SPPL3: variants seen among roughly 807,000 people sequenced by gnomAD.
The protein encoded by SPPL3 is signal peptide peptidase like 3.
In SPPL3, 5 loss-of-function variants were observed where a neutral mutation model predicts 42.4. The ratio of observed to expected loss-of-function variants is 0.12; its 90% confidence interval spans 0.06 to 0.25. The LOEUF is 0.25. Ranked by LOEUF, SPPL3 falls within the 10% of genes least tolerant of loss-of-function variation. SPPL3 has a pLI of 1.00. For missense variants in SPPL3, 235 were observed against 489.0 expected (o/e 0.48, Z 4.90); for synonymous variants, 195 against 181.8 (o/e 1.07, Z -0.58).
At chr12:120,780,206 T>A (rs983353965) in intron 6 of SPPL3, among the ~76,000 whole-genome samples, 1 of 148,578 alleles carries the variant, frequency 6.7e-6, no homozygotes, top group Admixed American at 6.7e-5. Context: ...TGGGAGCCAA[T>A]GCACTGGCCC....
intron 10 of SPPL3, 119 bp downstream of exon 10, chr12:120,766,144 T>G: frequency 1.5e-6 from 1 of 664,276 alleles, no homozygotes; most frequent in Non-Finnish European, 2.4e-6. Flanking sequence ...ACACACACAG[T>G]CGAGATCACA....
chr12:120,881,969 T>C (rs1873299738), intron 1 of SPPL3, among the ~76,000 whole-genome samples: 1 of 152,072 alleles, frequency 6.6e-6, no homozygotes, highest in Non-Finnish European at 1.5e-5. Flanking sequence ...AACTTATCTA[T>C]GGTTTCACCT....
At chr12:120,773,593 G>A (rs868384796) in intron 6 of SPPL3, among the ~76,000 whole-genome samples, 2 of 152,096 alleles carry the variant, frequency 1.3e-5, no homozygotes, top group Admixed American at 6.5e-5. Context: ...AAGTTTATTC[G>A]CCTCTGTGAC....
At chr12:120,834,306 T>G (rs1284309444) in intron 1 of SPPL3, among the ~76,000 whole-genome samples, 3 of 152,176 alleles carry the variant, frequency 2.0e-5, no homozygotes, top group African/African-American at 7.2e-5. Context: ...ACTATGCCCC[T>G]GGTTAACAAA....
intron 1 of SPPL3, among the ~76,000 whole-genome samples, chr12:120,889,615 A>G (rs1487212921): frequency 6.6e-6 from 1 of 152,226 alleles, no homozygotes; most frequent in Non-Finnish European, 1.5e-5. Context: ...CAACTTACAG[A>G]TCGGAAGAAG....
At chr12:120,900,460 C>T (rs1873939411) in intron 1 of SPPL3, among the ~76,000 whole-genome samples, 1 of 151,428 alleles carries the variant, frequency 6.6e-6, no homozygotes, top group Non-Finnish European at 1.5e-5. Flanking sequence ...CAATAATCAG[C>T]CGGGCGTGGT....
chr12:120,806,853 AAAAGAAAG>A (rs3050396), intron 2 of SPPL3, among the ~76,000 whole-genome samples: 2 of 146,132 alleles, frequency 1.4e-5, no homozygotes, highest in African/African-American at 2.5e-5. Flanking sequence ...TTAAAAAAAA[AAAAGAAAG>A]AAAGAAAGAA....
Position 120,903,875 on chromosome 12 carries a change from C to G in SPPL3, c.-8G>C. The G allele has an allele frequency of 6.9e-7, 1 of 1,444,240 alleles. No homozygotes were observed. Among genetic ancestry groups the G allele is most frequent in the Non-Finnish European group, 9.1e-7 (1 of 1,100,900 alleles). The allele number at this position is 1,444,240 out of a possible 1,614,324, so 89.5% of individuals were successfully genotyped here. On this transcript the variant is annotated 5_prime_UTR_variant, in exon 1 of 11. Transcript: ENST00000353487. ...GTAGGTCTGCTCCGCCATGGCGCTG[C>G]CTCTCGTGGGCTCCGCTGCAGGCTG...
intron 1 of SPPL3, chr12:120,811,110 G>A (rs988928657): frequency 4.1e-5 from 15 of 368,046 alleles, no homozygotes; most frequent in Admixed American, 9.2e-5. Context: ...AAATATTTAC[G>A]GCATGTAAAA....
In SPPL3 at chr12:120,782,780, C is replaced by T; in HGVS notation, c.390-13G>A. 6.3e-7 allele frequency: 1 copy of T among 1,580,574 alleles called. No individual in the cohort carries two copies. The highest frequency in any genetic ancestry group is 8.6e-7 in the Non-Finnish European group (1 of 1,157,552). ...ACCAAAGGAAATCCTGGAAAACACA[C>T]AACACTTATTGGACAGTGGGCACAC... On this transcript the variant is annotated splice_polypyrimidine_tract_variant and intron_variant, in intron 5 of 10. Coordinates refer to ENST00000353487, the MANE Select transcript of SPPL3 (RefSeq NM_139015.5).
intron 1 of SPPL3, among the ~76,000 whole-genome samples, chr12:120,870,305 C>T (rs1454759487): frequency 6.6e-6 from 1 of 151,740 alleles, no homozygotes; most frequent in African/African-American, 2.4e-5. Flanking sequence ...ATTAGCTGGT[C>T]GTGGTGGCGC....
At chr12:120,831,013 G>A (rs1473052576) in intron 1 of SPPL3, among the ~76,000 whole-genome samples, 2 of 152,082 alleles carry the variant, frequency 1.3e-5, no homozygotes, top group Non-Finnish European at 2.9e-5. Context: ...GTGTGGGAGG[G>A]CATCATCTAA....
chr12:120,836,273 G>C (rs1871616053), intron 1 of SPPL3, among the ~76,000 whole-genome samples: 1 of 152,008 alleles, frequency 6.6e-6, no homozygotes, highest in African/African-American at 2.4e-5. Flanking sequence ...GCCAGTTTTA[G>C]GCCTAGATTG....
intron 1 of SPPL3, among the ~76,000 whole-genome samples, chr12:120,882,035 C>T (rs571337021): frequency 6.6e-6 from 1 of 151,908 alleles, no homozygotes; most frequent in Non-Finnish European, 1.5e-5. Context: ...AGAAAAAAGT[C>T]GTAAGTTTTA....
chr12:120,824,395 T>C (rs1042261201), intron 1 of SPPL3, among the ~76,000 whole-genome samples: 2 of 152,196 alleles, frequency 1.3e-5, no homozygotes, highest in Non-Finnish European at 2.9e-5. Flanking sequence ...GATTTGGCTA[T>C]ATTTTTCACT....
chr12:120,860,170 T>C (rs568694774), intron 1 of SPPL3, among the ~76,000 whole-genome samples: 1 of 152,214 alleles, frequency 6.6e-6, no homozygotes, highest in South Asian at 2.1e-4. Flanking sequence ...GCCAGTGCAC[T>C]TCCAGCCTGG....
intron 3 of SPPL3, among the ~76,000 whole-genome samples, chr12:120,789,211 T>A (rs1869823893): frequency 6.6e-6 from 1 of 152,026 alleles, no homozygotes; most frequent in African/African-American, 2.4e-5. Context: ...CCCAGCACTT[T>A]GGGAGGCCAA....
intron 1 of SPPL3, among the ~76,000 whole-genome samples, chr12:120,881,739 T>C (rs1172458699): frequency 2.6e-5 from 4 of 151,308 alleles, no homozygotes; most frequent in Non-Finnish European, 5.9e-5. Context: ...AAGAAAATTC[T>C]GACACACGCT....
chr12:120,810,748 C>CAG, intron 2 of SPPL3, 61 bp downstream of exon 2: 1 of 1,346,324 alleles, frequency 7.4e-7, no homozygotes, highest in Non-Finnish European at 1.1e-6. Flanking sequence ...CCAGCACTTT[C>CAG]AGAGCAATGC....
Sources: gnomAD v4.1 joint callset for allele counts (sites outside exome capture counted in the v4.1 genomes callset) on GRCh38, gnomAD v4.1.1 for gene constraint, MANE v1.5 for transcripts, NCBI Gene and HGNC (gene_info 2026-07-23, HGNC 2026-07-21) for gene names.